The following IDO2 variants were observed in gnomAD, a reference collection of about 807,000 sequenced individuals.
The protein encoded by IDO2 is indoleamine 2,3-dioxygenase 2, also known as indoleamine 2,3-dioxygenase-like 1 protein.
IDO2 carries 46 observed loss-of-function variants against 45.1 expected under a neutral mutation model. The ratio of observed to expected loss-of-function variants is 1.02; its 90% CI spans 0.80 to 1.30. The LOEUF (loss-of-function observed/expected upper bound fraction) is 1.30, where lower values mean the gene tolerates loss of function less well. Ranked by LOEUF, IDO2 falls within the 50% of genes most tolerant of loss-of-function variation. The pLI is 0.00. For synonymous variants in IDO2, 218 were observed against 184.9 expected (o/e 1.18, Z -1.45); for missense variants, 544 against 491.8 (o/e 1.11, Z -1.00).
intron 8 of IDO2, among the ~76,000 whole-genome samples, chr8:39,994,226 T>A (rs1054078010): frequency 6.6e-6 from 1 of 151,958 alleles, no homozygotes; most frequent in Admixed American, 6.6e-5. Flanking sequence ...TCAATTTGAA[T>A]TTTCTATAAT....
chr8:39,979,002 C>A (rs1453521788), intron 3 of IDO2, 65 bp from the exon 4 acceptor site: 5 of 1,512,484 alleles, frequency 3.3e-6, no homozygotes, highest in Non-Finnish European at 4.5e-6. Context: ...GGTCCCCGGC[C>A]CCCGTTACCT....
Position 40,006,903 on chromosome 8 carries a change from T to C in IDO2, c.719+1525T>C, listed in dbSNP as rs142340680. On this transcript the variant is annotated intron_variant, in intron 9 of 10. Coordinates refer to ENST00000502986, the Ensembl canonical transcript of IDO2. ...CTCGAACTCCTGACCTCAGGTGATCTGCCCACCTTGGCCTCCCAAAATGTT... is the reference window on the plus strand; with the variant it reads ...CTCGAACTCCTGACCTCAGGTGATCCGCCCACCTTGGCCTCCCAAAATGTT... Among the ~76,000 whole-genome samples, 283 of 152,182 alleles carry C rather than the reference T, an allele frequency of 1.9e-3. 2 individuals are homozygous for C. Among genetic ancestry groups the C allele is most frequent in the African/African-American group, 6.5e-3 (269 of 41,522 alleles).
At chr8:39,945,297 A>T (rs936424812) in intron 1 of IDO2, among the ~76,000 whole-genome samples, 7 of 152,250 alleles carry the variant, frequency 4.6e-5, no homozygotes, top group African/African-American at 1.7e-4. Context: ...ATGAATATTT[A>T]TGAAAGGAGA....
chr8:39,957,526 T>G (rs1807923200), intron 2 of IDO2, among the ~76,000 whole-genome samples: 1 of 152,164 alleles, frequency 6.6e-6, no homozygotes, highest in African/African-American at 2.4e-5. Flanking sequence ...GTGGGAAGAT[T>G]GCTTGACCCA....
intron 1 of IDO2, among the ~76,000 whole-genome samples, chr8:39,936,389 A>G (rs1308395687): frequency 6.6e-6 from 1 of 152,234 alleles, no homozygotes; most frequent in Non-Finnish European, 1.5e-5. Flanking sequence ...GGTAGCTTAA[A>G]CATGTGTTCC....
intron 8 of IDO2, chr8:39,995,265 C>CTTCTTCTTCTTCTTCT (rs1563438335): frequency 1.1e-5 from 1 of 89,994 alleles, no homozygotes; most frequent in Non-Finnish European, 2.3e-5. Flanking sequence ...CTTCTTCTTC[C>CTTCTTCTTCTTCTTCT]TCTTCTTCTT....
intron 1 of IDO2, among the ~76,000 whole-genome samples, chr8:39,947,933 A>G (rs1807762986): frequency 6.6e-6 from 1 of 152,050 alleles, no homozygotes; most frequent in Non-Finnish European, 1.5e-5. Flanking sequence ...GATTACAGGC[A>G]TGCGCCACCA....
At chr8:40,014,861 A>G (rs1027075868) in intron 10 of IDO2, among the ~76,000 whole-genome samples, 5 of 152,186 alleles carry the variant, frequency 3.3e-5, no homozygotes, top group African/African-American at 1.2e-4. Flanking sequence ...CTGAAAAAGC[A>G]GAGAAGATTG....
intron 5 of IDO2, chr8:39,984,906 G>C (rs1175628968): frequency 2.3e-6 from 1 of 436,426 alleles, no homozygotes; most frequent in Admixed American, 2.6e-5. Flanking sequence ...ATACAAAAAT[G>C]TAAGATGAGT....
intron 2 of IDO2, 105 bp downstream of exon 2, chr8:39,949,369 A>T: frequency 2.5e-6 from 2 of 787,254 alleles, no homozygotes; most frequent in Non-Finnish European, 4.0e-6. Context: ...CAATATAAAT[A>T]TCAAGTTGTT....
intron 2 of IDO2, among the ~76,000 whole-genome samples, chr8:39,955,476 G>A (rs1160225609): frequency 6.6e-6 from 1 of 151,768 alleles, no homozygotes; most frequent in East Asian, 1.9e-4. Context: ...GGCTGGTCTC[G>A]AACTTCTGAC....
chr8:40,000,892 T>G (rs1370473866), intron 8 of IDO2, among the ~76,000 whole-genome samples: 2 of 152,258 alleles, frequency 1.3e-5, no homozygotes, highest in African/African-American at 4.8e-5. Context: ...AATTCATTCA[T>G]TCAGTCTTTT....
intron 1 of IDO2, among the ~76,000 whole-genome samples, chr8:39,940,153 A>G (rs1315282556): frequency 6.6e-6 from 1 of 152,216 alleles, no homozygotes. Context: ...GCAGGGCTTC[A>G]TGCAGGGTAC....
intron 3 of IDO2, 104 bp from the exon 4 acceptor site, chr8:39,978,963 C>A: frequency 9.3e-7 from 1 of 1,075,530 alleles, no homozygotes; most frequent in Non-Finnish European, 1.4e-6. Flanking sequence ...AACCCATTGC[C>A]TTCCACCCAA....
At chr8:40,013,424 A>G (rs1409214328) in intron 9 of IDO2, 141 bp from the exon 10 acceptor site, 11 of 775,434 alleles carry the variant, frequency 1.4e-5, no homozygotes, top group Non-Finnish European at 2.3e-5. Flanking sequence ...TACTTACCCT[A>G]CAAAGATACC....
chr8:39,998,991 C>T (rs1482994081), intron 8 of IDO2, among the ~76,000 whole-genome samples: 1 of 152,048 alleles, frequency 6.6e-6, no homozygotes, highest in East Asian at 1.9e-4. Flanking sequence ...GAAATTCCTT[C>T]AGTACATCCT....
intron 8 of IDO2, among the ~76,000 whole-genome samples, chr8:40,004,574 A>ATGATAGT (rs1424890610): frequency 0.033 from 5,026 of 151,126 alleles, 114 homozygotes; most frequent in Middle Eastern, 0.062. Context: ...TAGACGATAG[A>ATGATAGT]TAGATAGATA....
chr8:39,955,642 C>T (rs557560936), intron 2 of IDO2, among the ~76,000 whole-genome samples: 5 of 152,124 alleles, frequency 3.3e-5, no homozygotes, highest in African/African-American at 1.2e-4. Flanking sequence ...AGCTCTGAAG[C>T]TTAGACTCGA....
intron 5 of IDO2, among the ~76,000 whole-genome samples, chr8:39,984,085 T>C (rs1348224545): frequency 6.6e-6 from 1 of 152,092 alleles, no homozygotes; most frequent in Non-Finnish European, 1.5e-5. Context: ...CTGTTCAAGG[T>C]ACTGAATATT....
Sources: gnomAD v4.1 joint callset for allele counts (sites outside exome capture counted in the v4.1 genomes callset) on GRCh38, gnomAD v4.1.1 for gene constraint, MANE v1.5 for transcripts, NCBI Gene and HGNC (gene_info 2026-07-23, HGNC 2026-07-21) for gene names.